SGK2: variants seen among roughly 807,000 people sequenced by gnomAD.
SGK2 encodes the protein serum/glucocorticoid regulated kinase 2, also known as serine/threonine-protein kinase Sgk2.
Under a neutral mutation model 47.5 loss-of-function variants are expected in SGK2, and 36 were observed. That is an observed-to-expected ratio of 0.76 (90% CI 0.58 to 1.00). The LOEUF is 1.00. SGK2 is among the 50% of genes least tolerant of loss of function. SGK2 has a pLI of 0.00. For synonymous variants in SGK2, 157 were observed against 181.9 expected (o/e 0.86, Z 1.10); for missense variants, 404 against 467.4 (o/e 0.86, Z 1.25).
intron 11 of SGK2, among the ~76,000 whole-genome samples, chr20:43,577,845 A>G (rs924568790): frequency 1.3e-5 from 2 of 151,748 alleles, no homozygotes; most frequent in African/African-American, 2.4e-5. Flanking sequence ...GGGTTTCACT[A>G]TGTTGGACAG....
chr20:43,559,249 C>T (rs973451045), intron 1 of SGK2, 90 bp downstream of exon 1: 11 of 152,212 alleles, frequency 7.2e-5, no homozygotes, highest in African/African-American at 2.7e-4. Flanking sequence ...TTTCCTAGTA[C>T]CTGTTTACTT....
chr20:43,578,126 A>G (rs1980576644), intron 11 of SGK2, among the ~76,000 whole-genome samples: 1 of 152,242 alleles, frequency 6.6e-6, no homozygotes, highest in Non-Finnish European at 1.5e-5. Flanking sequence ...ATTTGGATTT[A>G]CAAAAAGAAG....
At chr20:43,563,145 A>G (rs1351231758) in intron 1 of SGK2, among the ~76,000 whole-genome samples, 4 of 151,866 alleles carry the variant, frequency 2.6e-5, no homozygotes, top group Non-Finnish European at 5.9e-5. Context: ...CAAAAAAAAA[A>G]AAAAGAAAGA....
rs1313596985 is a variant in SGK2, at chr20:43,572,400, GC to G, written c.597+264del. Reference sequence around the variant, plus strand: ...AAATAGAAATAGAAACGCAGGCTGGGCACAGTGGCTCACGCCTGTAATCCCA... The same window carrying G: ...AAATAGAAATAGAAACGCAGGCTGGGACAGTGGCTCACGCCTGTAATCCCA... On this transcript the variant is annotated intron_variant, in intron 9 of 12. Transcript: ENST00000373100. This position sits in a 1 kb window ranked among gnomAD's most constrained non-coding sequence, Gnocchi z 4.2. 6.6e-6 allele frequency among the ~76,000 whole-genome samples: 1 copy of G among 152,250 alleles called. No homozygotes were observed. Among genetic ancestry groups the G allele is most frequent in the African/African-American group, 2.4e-5 (1 of 41,468 alleles).
chr20:43,570,563 C>A, intron 6 of SGK2, 54 bp from the exon 7 acceptor site: 2 of 1,260,228 alleles, frequency 1.6e-6, no homozygotes, highest in Non-Finnish European at 2.3e-6. Flanking sequence ...CAGGTGCACC[C>A]TAGCCCTACA....
Position 43,583,390 on chromosome 20 carries a change from A to G in SGK2, c.940-1462A>G, listed in dbSNP as rs565621501. The G allele has an allele frequency of 9.7e-6, 12 of 1,235,696 alleles. No individual in the cohort carries two copies. The African/African-American group carries it at 1.7e-4, about 18-fold the overall frequency. 76.5% of individuals were successfully genotyped at this position (1,235,696 alleles called of 1,614,324 possible). ...GAGGTCTTCAGTAAGTCTCTTTAGT[A>G]TCATTTTCTTCTACAGTCACACAAC... is the stretch of plus-strand genomic sequence containing the variant. On this transcript the variant is annotated intron_variant, in intron 12 of 12. Coordinates refer to ENST00000373100, the MANE Select transcript of SGK2 (RefSeq NM_170693.3).
chr20:43,582,437 G>T (rs140603687), intron 12 of SGK2, among the ~76,000 whole-genome samples: 4,698 of 151,334 alleles, frequency 0.031, 94 homozygotes, highest in Non-Finnish European at 0.045. Flanking sequence ...GCCCAGGCTG[G>T]AGTGCAGTGG....
intron 7 of SGK2, 147 bp from the exon 8 acceptor site, chr20:43,570,877 G>C (rs1436443617): frequency 7.3e-7 from 1 of 1,374,228 alleles, no homozygotes; most frequent in African/African-American, 1.4e-5. Context: ...CGAGGTCCAA[G>C]TGCCCAGCCT....
rs768808115 is a variant in SGK2 at position 43,568,004 on chromosome 20, C to G, written c.228+5C>G. 79 of 1,612,396 alleles carry G rather than the reference C, an allele frequency of 4.9e-5. No individual in the cohort carries two copies. In the Middle Eastern group the frequency reaches 1.6e-3, roughly 34 times the overall value. Reference sequence around the variant, plus strand: ...TCCATCTTAAAGAAGAAAGAGGTACCAGAGCTCGGGCACAGGCATTTCTTC... The same window carrying G: ...TCCATCTTAAAGAAGAAAGAGGTACGAGAGCTCGGGCACAGGCATTTCTTC... On this transcript the variant is annotated splice_donor_5th_base_variant and intron_variant, in intron 5 of 12. Transcript: ENST00000373100.
chr20:43,574,449 C>G (rs1487488505), intron 9 of SGK2, among the ~76,000 whole-genome samples: 1 of 152,220 alleles, frequency 6.6e-6, no homozygotes, highest in Non-Finnish European at 1.5e-5. Flanking sequence ...GAGAGTACTC[C>G]CGGGGCCTTC....
chr20:43,570,696 T>C lies in SGK2; in HGVS notation c.440T>C (p.Ile147Thr), dbSNP rs1980047251. The part of the protein sequence containing the change: ...RFYAAEVASA[I>T]GYLHSLNIIY... Reference sequence around the variant, plus strand: ...TACGCTGCTGAGGTGGCCAGCGCCATTGGCTACCTGCACTCCCTCAACATC... The same window carrying C: ...TACGCTGCTGAGGTGGCCAGCGCCACTGGCTACCTGCACTCCCTCAACATC... Residue 147 changes from isoleucine (I) to threonine (T), a missense_variant, in exon 7 of 13, where the codon ATT becomes ACT. Transcript: ENST00000373100. The C allele has an allele frequency of 6.2e-7, 1 of 1,613,464 alleles. No individual in the cohort carries two copies. Among genetic ancestry groups the C allele is most frequent in the Non-Finnish European group, 8.5e-7 (1 of 1,179,464 alleles).
intron 11 of SGK2, among the ~76,000 whole-genome samples, chr20:43,576,998 A>G (rs1980501202): frequency 6.6e-6 from 1 of 152,252 alleles, no homozygotes; most frequent in South Asian, 2.1e-4. Context: ...CCCAAACATT[A>G]TATACAATTA....
intron 5 of SGK2, 32 bp downstream of exon 5, chr20:43,568,031 TCTG>T: frequency 6.3e-7 from 1 of 1,588,286 alleles, no homozygotes. Flanking sequence ...CATTTCTTCT[TCTG>T]CTTCTCAAGC....
At position 43,579,134 on chromosome 20, in the gene SGK2, C is replaced by T. The variant is rs1340082041; in HGVS notation, c.850-838C>T. 4.0e-5 allele frequency among the ~76,000 whole-genome samples: 6 copies of T among 151,864 alleles called. 1 individual carries two copies. Among genetic ancestry groups the T allele is most frequent in the African/African-American group, 1.2e-4 (5 of 41,294 alleles). On this transcript the variant is annotated intron_variant, in intron 11 of 12. Coordinates refer to ENST00000373100, the MANE Select transcript of SGK2 (RefSeq NM_170693.3). ...CCGGGTTCAAGTGATTCTCCTGCCT[C>T]AGCCTCCCAAGTAGCTAGGATTACA...
intron 12 of SGK2, 44 bp from the exon 13 acceptor site, chr20:43,584,808 T>C (rs1447684690): frequency 6.3e-7 from 1 of 1,581,618 alleles, no homozygotes; most frequent in Non-Finnish European, 8.7e-7. Flanking sequence ...CTTTGGCAGC[T>C]CTGACCCCGG....
chr20:43,564,779 T>C (rs766705402), intron 1 of SGK2: 3 of 152,642 alleles, frequency 2.0e-5, no homozygotes, highest in Non-Finnish European at 2.9e-5. Flanking sequence ...CAGTCACAGA[T>C]GCACAGACAT....
At chr20:43,573,409 A>C (rs1568669511) in intron 9 of SGK2, among the ~76,000 whole-genome samples, 1 of 151,626 alleles carries the variant, frequency 6.6e-6, no homozygotes, top group Non-Finnish European at 1.5e-5. Context: ...GAATCGCTTG[A>C]ACCTGGGAGG....
chr20:43,580,054 C>T lies in SGK2; in HGVS notation c.932C>T (p.Pro311Leu), dbSNP rs1304361697. The change falls in exon 12 of 13, where the codon CCA becomes CTA. Residue 311 changes from proline to leucine, a missense_variant. Physicochemically the swap from Pro to Leu is moderately conservative, Grantham distance 98. Coordinates refer to ENST00000373100, the MANE Select transcript of SGK2 (RefSeq NM_170693.3). ...YHKRLTPPFNPNVTGPADLKH... is the reference protein window; with the variant it reads ...YHKRLTPPFNLNVTGPADLKH... ...AAGAGGCTAACTCCACCCTTCAACC[C>T]AAATGTGGTAAGAGGTCACAGCATT... The T allele has an allele frequency of 1.3e-6, 2 of 1,594,916 alleles. No individual in the cohort carries two copies. Among genetic ancestry groups the T allele is most frequent in the Admixed American group, 1.7e-5 (1 of 57,564 alleles).
chr20:43,576,247 A>C lies in SGK2; in HGVS notation c.717A>C (p.Val239=). ...HGLPPFYSQD[V]SQMYENILHQ... The stretch of plus-strand genomic sequence containing the variant: ...AGCCGCCCTTCTACAGCCAAGATGT[A>C]TCCCAGATGTATGAGAACATTCTGC... The change falls in exon 11 of 13, where the codon GTA becomes GTC. Residue 239 remains valine, a synonymous_variant. Coordinates refer to ENST00000373100, the MANE Select transcript of SGK2 (RefSeq NM_170693.3). 3.7e-6 allele frequency: 6 copies of C among 1,614,170 alleles called. No individual in the cohort carries two copies. Among genetic ancestry groups the C allele is most frequent in the African/African-American group, 1.3e-5 (1 of 75,056 alleles).
Sources: allele counts gnomAD v4.1 joint callset (sites outside exome capture counted in the v4.1 genomes callset), GRCh38; gene constraint gnomAD v4.1.1; non-coding constraint Gnocchi (gnomAD v3.1); transcripts MANE v1.5; gene names NCBI Gene and HGNC (gene_info 2026-07-23, HGNC 2026-07-21).